TMEM209: variants seen among roughly 807,000 people sequenced by gnomAD.
TMEM209 encodes transmembrane protein 209, also known as testicular tissue protein Li 202.
A neutral mutation model predicts 76.2 loss-of-function variants in TMEM209; 65 were observed. The observed-to-expected ratio is 0.85, with a 90% CI of 0.70 to 1.05. TMEM209 has a LOEUF of 1.05. TMEM209 is among the 50% of genes least tolerant of loss of function. The pLI is 0.00. For missense variants in TMEM209, 623 were observed against 685.5 expected, an observed-to-expected ratio of 0.91 and a Z score of 1.02; for synonymous variants, 239 against 237.6, an observed-to-expected ratio of 1.01 and a Z score of -0.06.
chr7:130,177,210 G>A (rs1487834923), intron 10 of TMEM209, among the ~76,000 whole-genome samples: 2 of 151,738 alleles, frequency 1.3e-5, no homozygotes, highest in Non-Finnish European at 2.9e-5. Flanking sequence ...AATTAGCTGG[G>A]CATGGTGGTG....
chr7:130,205,000 A>ATCTCG, intron 1 of TMEM209: 1 of 1,169,390 alleles, frequency 8.6e-7, no homozygotes, highest in South Asian at 2.3e-5. Context: ...TAAGAGGGAG[A>ATCTCG]GAGGGGAAAA....
rs1168741372 is a variant in TMEM209 at position 130,201,940 on chromosome 7, A to C, written c.483T>G (p.Gly161=). ...ACAGACCTTGCAGCTGAGGGCTGTA[A>C]CCAGTCATACAGCTGGTGGTGAACT... ...SPKFTTSCMT[G]YSPQLQGLSS... is the part of the protein sequence containing the mutation. The change falls in exon 5 of 15, where the codon GGT becomes GGG. Residue 161 remains glycine, a synonymous_variant. Transcript: ENST00000397622. 12 of 1,613,948 alleles carry C rather than the reference A, an allele frequency of 7.4e-6. No homozygotes were observed. The highest frequency in any genetic ancestry group is 1.0e-5 in the Non-Finnish European group (12 of 1,179,872).
intron 13 of TMEM209, among the ~76,000 whole-genome samples, chr7:130,171,560 A>G (rs114691996): frequency 6.6e-6 from 1 of 152,264 alleles, no homozygotes; most frequent in Admixed American, 6.5e-5. Flanking sequence ...TCAATGGCCC[A>G]AAGTATTTAC....
At chr7:130,173,536 ACTT>A (rs1463357707) in intron 13 of TMEM209, 93 bp downstream of exon 13, 7 of 885,810 alleles carry the variant, frequency 7.9e-6, no homozygotes, top group African/African-American at 5.1e-5. Context: ...TAAAAAATTT[ACTT>A]CTTCTATTAA....
rs751243745 is a variant in TMEM209, at chr7:130,202,046, G to A, written c.377C>T (p.Pro126Leu). The A allele has an allele frequency of 1.3e-5, 21 of 1,613,906 alleles. No individual in the cohort carries two copies. The South Asian group carries it at 2.2e-4, about 17-fold the overall frequency. ...PPHDLAATQI[P>L]PAPPSPSIQG... is the part of the protein sequence containing the mutation. ...AATTGAAGGGGAAGGTGGAGCGGGA[G>A]GGATTTGGGTTGCTGCCAGATCATG... The change falls in exon 5 of 15, where the codon CCT becomes CTT. Residue 126 changes from proline to leucine, a missense_variant. Physicochemically the swap from Pro to Leu is moderately conservative, Grantham distance 98. Transcript: ENST00000397622.
intron 6 of TMEM209, among the ~76,000 whole-genome samples, chr7:130,188,139 TA>T (rs1296547224): frequency 6.6e-6 from 1 of 152,084 alleles, no homozygotes; most frequent in African/African-American, 2.4e-5. Context: ...TGGCTGAAAT[TA>T]AAAAACTCAA....
At chr7:130,178,115 AT>A (rs1190852699) in intron 10 of TMEM209, among the ~76,000 whole-genome samples, 12 of 152,186 alleles carry the variant, frequency 7.9e-5, no homozygotes, top group Admixed American at 5.9e-4. Flanking sequence ...AATAGGAATT[AT>A]AAAAATTAAG....
In TMEM209 at chr7:130,173,929, T is replaced by C; in HGVS notation, c.1355A>G (p.His452Arg). 6.2e-7 allele frequency: 1 copy of C among 1,607,028 alleles called. No individual in the cohort carries two copies. The highest frequency in any genetic ancestry group is 8.5e-7 in the Non-Finnish European group (1 of 1,173,634). Residue 452 changes from histidine (H) to arginine (R), a missense_variant, in exon 12 of 15, where the codon CAT becomes CGT. Transcript: ENST00000397622. ...GGAATCAAGGTAGGTGCAAAATACA[T>C]GCATGATGATCTGAGGATGAAGAAA... ...DLPTDSAIIMHVFCTYLDSRL... is the reference protein window; with the variant it reads ...DLPTDSAIIMRVFCTYLDSRL...
chr7:130,196,592 G>A (rs1318252042), intron 5 of TMEM209, among the ~76,000 whole-genome samples: 1 of 152,094 alleles, frequency 6.6e-6, no homozygotes, highest in Non-Finnish European at 1.5e-5. Flanking sequence ...TGAAGTAAAG[G>A]GGTAATTAAC....
At chr7:130,194,780 A>G (rs1282145695) in intron 5 of TMEM209, among the ~76,000 whole-genome samples, 1 of 152,150 alleles carries the variant, frequency 6.6e-6, no homozygotes, top group Non-Finnish European at 1.5e-5. Context: ...ATTACTGGTC[A>G]CTTGGATTAC....
intron 6 of TMEM209, among the ~76,000 whole-genome samples, chr7:130,190,455 T>G (rs1404119040): frequency 6.6e-6 from 1 of 151,422 alleles, no homozygotes; most frequent in African/African-American, 2.4e-5. Flanking sequence ...GAGGCAGAAG[T>G]TGCAGTAAGC....
rs1426318698 is a variant in TMEM209, at chr7:130,170,398, A to G, written c.1631+2T>C. ...TTACGTTTTTAAAGCATAAGTACCTACCCAAGCATTCCTGACTCTTTGGTC... is the reference window on the plus strand; with the variant it reads ...TTACGTTTTTAAAGCATAAGTACCTGCCCAAGCATTCCTGACTCTTTGGTC... On this transcript the variant is annotated splice_donor_variant, in intron 14 of 14. Coordinates refer to ENST00000397622, the MANE Select transcript of TMEM209 (RefSeq NM_032842.4). LOFTEE classifies it high-confidence loss of function. 1.9e-6 allele frequency: 3 copies of G among 1,610,354 alleles called. No homozygotes were observed. The highest frequency in any genetic ancestry group is 8.5e-7 in the Non-Finnish European group (1 of 1,178,148).
At chr7:130,172,078 C>G (rs1291164966) in intron 13 of TMEM209, among the ~76,000 whole-genome samples, 1 of 151,836 alleles carries the variant, frequency 6.6e-6, no homozygotes, top group Non-Finnish European at 1.5e-5. Flanking sequence ...CTTAGCTACT[C>G]AAGAGGCTGA....
intron 14 of TMEM209, among the ~76,000 whole-genome samples, chr7:130,168,151 T>C (rs896661972): frequency 3.3e-5 from 5 of 152,148 alleles, no homozygotes; most frequent in African/African-American, 7.2e-5. Flanking sequence ...CATGCTATCA[T>C]GACAAACCAT....
intron 7 of TMEM209, 137 bp downstream of exon 7, chr7:130,185,055 T>TC: frequency 3.0e-6 from 3 of 1,010,538 alleles, no homozygotes; most frequent in Non-Finnish European, 4.2e-6. Context: ...ACAGGAGCTT[T>TC]CCCACTGCCT....
Position 130,164,949 on chromosome 7 carries a change from T to A in TMEM209, c.*1502A>T, listed in dbSNP as rs1796839332. The A allele has an allele frequency of 6.6e-6, 1 of 152,226 alleles. No individual in the cohort carries two copies. Among genetic ancestry groups the A allele is most frequent in the South Asian group, 2.1e-4 (1 of 4,826 alleles). The allele number at this position is 152,226 out of a possible 1,614,324, so 9.4% of individuals were successfully genotyped here. A position where few individuals can be genotyped will look rare whatever the true frequency, so the allele number is the denominator to read the frequency against. On this transcript the variant is annotated 3_prime_UTR_variant, in exon 15 of 15. Transcript: ENST00000397622. ...AGCTCCTTTCCTTTGGACATCAACT[T>A]TTAAAAACACGAACAACTTTTTGAA...
chr7:130,178,544 C>T lies in TMEM209; in HGVS notation c.1121-17G>A. Reference sequence around the variant, plus strand: ...TACTAGCCTCTGTTAACATAAAACACAGAGAACACTGATTATTCTAAAAGT... The same window carrying T: ...TACTAGCCTCTGTTAACATAAAACATAGAGAACACTGATTATTCTAAAAGT... On this transcript the variant is annotated splice_polypyrimidine_tract_variant and intron_variant, in intron 9 of 14. Coordinates refer to ENST00000397622, the MANE Select transcript of TMEM209 (RefSeq NM_032842.4). The T allele has an allele frequency of 6.2e-7, 1 of 1,612,178 alleles. No individual in the cohort carries two copies. The highest frequency in any genetic ancestry group is 8.5e-7 in the Non-Finnish European group (1 of 1,179,122).
intron 5 of TMEM209, among the ~76,000 whole-genome samples, chr7:130,198,638 T>C (rs1287598344): frequency 6.6e-6 from 1 of 152,026 alleles, no homozygotes; most frequent in East Asian, 1.9e-4. Flanking sequence ...AAAACAAAAA[T>C]GAAACCATTT....
chr7:130,197,412 T>TA (rs1388127334), intron 5 of TMEM209, among the ~76,000 whole-genome samples: 1 of 152,196 alleles, frequency 6.6e-6, no homozygotes, highest in Admixed American at 6.5e-5. Context: ...ATGATGTACT[T>TA]ACAGTATCAA....
Sources: gnomAD v4.1 joint callset for allele counts (sites outside exome capture counted in the v4.1 genomes callset) on GRCh38, gnomAD v4.1.1 for gene constraint, MANE v1.5 for transcripts, NCBI Gene and HGNC (gene_info 2026-07-23, HGNC 2026-07-21) for gene names.